The following DIP2C variants were observed in gnomAD, a reference collection of about 807,000 sequenced individuals.
The protein encoded by DIP2C is disco-interacting protein 2 homolog C.
A neutral mutation model predicts 192.4 loss-of-function variants in DIP2C; 33 were observed. That is an observed-to-expected ratio of 0.17 (90% CI 0.13 to 0.23). The LOEUF is 0.23. Among genes scored for constraint, DIP2C ranks in the 10% least tolerant of loss-of-function variants. The pLI, the probability that DIP2C is intolerant of heterozygous loss-of-function variation, is 1.00. For missense variants in DIP2C, 1,537 were observed against 2,110.1 expected (o/e 0.73, Z 5.32); for synonymous variants, 979 against 864.1 (o/e 1.13, Z -2.33).
intron 29 of DIP2C, among the ~76,000 whole-genome samples, chr10:340,066 A>G (rs927728880): frequency 5.9e-5 from 9 of 152,086 alleles, no homozygotes; most frequent in Non-Finnish European, 1.5e-5. Flanking sequence ...CTCTAATCCC[A>G]GCTACTCGGG....
At chr10:386,163 G>C (rs11594718) in intron 14 of DIP2C, among the ~76,000 whole-genome samples, 5,590 of 152,300 alleles carry the variant, frequency 0.037, 132 homozygotes, top group Admixed American at 0.056. Context: ...AGTGACTAAC[G>C]GCACCAGTGA....
chr10:384,760 G>T, intron 14 of DIP2C, 121 bp from the exon 15 acceptor site: 1 of 945,440 alleles, frequency 1.1e-6, no homozygotes, highest in South Asian at 1.5e-5. Flanking sequence ...GAGCGCTGCA[G>T]ACACCATGCA....
intron 1 of DIP2C, among the ~76,000 whole-genome samples, chr10:617,317 G>C (rs1373862857): frequency 1.3e-5 from 2 of 152,156 alleles, no homozygotes; most frequent in African/African-American, 2.4e-5. Context: ...TCCTGGCTGA[G>C]ACACTAGTTC....
intron 1 of DIP2C, among the ~76,000 whole-genome samples, chr10:501,680 G>T (rs550996461): frequency 1.3e-5 from 2 of 152,174 alleles, no homozygotes; most frequent in African/African-American, 4.8e-5. Flanking sequence ...CAGGCAAAAG[G>T]ACTGGCACGG....
intron 1 of DIP2C, among the ~76,000 whole-genome samples, chr10:519,949 G>A (rs762322169): frequency 1.3e-5 from 2 of 152,176 alleles, no homozygotes; most frequent in African/African-American, 2.4e-5. Context: ...TTCTCCCAAA[G>A]AACCCTTCTC....
chr10:342,528 C>G (rs140840366), intron 28 of DIP2C, among the ~76,000 whole-genome samples: 1 of 152,184 alleles, frequency 6.6e-6, no homozygotes, highest in Non-Finnish European at 1.5e-5. Flanking sequence ...CTCTGCTGGT[C>G]GAGGCCCTGT....
intron 1 of DIP2C, among the ~76,000 whole-genome samples, chr10:620,472 G>A (rs557759012): frequency 1.3e-5 from 2 of 152,324 alleles, no homozygotes; most frequent in South Asian, 4.1e-4. Flanking sequence ...CTGAGGGGCA[G>A]ATACGGAGGG....
chr10:661,557 G>C (rs1856762729), intron 1 of DIP2C, among the ~76,000 whole-genome samples: 1 of 152,176 alleles, frequency 6.6e-6, no homozygotes, highest in African/African-American at 2.4e-5. Flanking sequence ...CAACACTTGG[G>C]ACTTTGTCCT....
At chr10:327,283 C>T (rs1432711086) in intron 30 of DIP2C, 107 bp from the exon 31 acceptor site, 1 of 1,331,916 alleles carries the variant, frequency 7.5e-7, no homozygotes, top group Non-Finnish European at 1.0e-6. Flanking sequence ...AAACTCAACA[C>T]AGCTATGCAT....
intron 1 of DIP2C, among the ~76,000 whole-genome samples, chr10:616,115 C>G (rs1273451995): frequency 6.6e-6 from 1 of 152,220 alleles, no homozygotes; most frequent in Non-Finnish European, 1.5e-5. Flanking sequence ...CAGGTCATCC[C>G]TCAGTCACAC....
At chr10:488,527 C>G (rs1844183957) in intron 1 of DIP2C, among the ~76,000 whole-genome samples, 1 of 152,252 alleles carries the variant, frequency 6.6e-6, no homozygotes, top group Non-Finnish European at 1.5e-5. Context: ...CACCTAGAGT[C>G]TTCCACTCTA....
intron 1 of DIP2C, among the ~76,000 whole-genome samples, chr10:620,761 A>G (rs1403144347): frequency 2.6e-5 from 4 of 152,204 alleles, no homozygotes; most frequent in African/African-American, 9.7e-5. Context: ...GAAGGTTGCT[A>G]CTTTGGACTG....
At chr10:662,859 G>C (rs912674909) in intron 1 of DIP2C, 3 of 717,544 alleles carry the variant, frequency 4.2e-6, no homozygotes, top group Non-Finnish European at 7.8e-6. Context: ...ACAGCCAGCA[G>C]AACCACACTC....
At chr10:582,572 GA>G (rs1850736349) in intron 1 of DIP2C, among the ~76,000 whole-genome samples, 3 of 152,168 alleles carry the variant, frequency 2.0e-5, no homozygotes, top group African/African-American at 7.2e-5. Context: ...GACAGAGCAA[GA>G]CCCTGTCTCA....
At chr10:488,013 A>G (rs928672967) in intron 1 of DIP2C, among the ~76,000 whole-genome samples, 4 of 152,252 alleles carry the variant, frequency 2.6e-5, no homozygotes, top group Admixed American at 2.0e-4. Flanking sequence ...ATGCCTTGTT[A>G]ACCCGTTTTA....
In DIP2C at chr10:504,268, G is replaced by A. The variant is rs947076952; in HGVS notation, c.86-17738C>T. Among the ~76,000 whole-genome samples, 8 of 152,324 alleles carry A rather than the reference G, an allele frequency of 5.3e-5. No individual in the cohort carries two copies. In the East Asian group the frequency reaches 9.6e-4, roughly 18 times the overall value. On this transcript the variant is annotated intron_variant, in intron 1 of 36. Coordinates refer to ENST00000280886, the MANE Select transcript of DIP2C (RefSeq NM_014974.3). ...ACGCCCTGTGGAGAATAAAGGCCAC[G>A]CTGGAAGAGGCACGCAAGGGAAACA...
intron 1 of DIP2C, among the ~76,000 whole-genome samples, chr10:502,871 C>G (rs978749145): frequency 5.3e-5 from 8 of 152,282 alleles, no homozygotes; most frequent in Non-Finnish European, 1.2e-4. Flanking sequence ...GCAACACAGT[C>G]AAGACACCAA....
intron 9 of DIP2C, among the ~76,000 whole-genome samples, chr10:401,272 G>C (rs1964416612): frequency 6.6e-6 from 1 of 150,998 alleles, no homozygotes; most frequent in Non-Finnish European, 1.5e-5. Flanking sequence ...TTACATGTGG[G>C]GTAGCATTAG....
intron 5 of DIP2C, among the ~76,000 whole-genome samples, chr10:421,675 C>A (rs912773190): frequency 6.6e-6 from 1 of 152,142 alleles, no homozygotes; most frequent in African/African-American, 2.4e-5. Context: ...ACTTTACAAA[C>A]TTTTACAGAG....
Sources: allele counts gnomAD v4.1 joint callset (sites outside exome capture counted in the v4.1 genomes callset), GRCh38; gene constraint gnomAD v4.1.1; transcripts MANE v1.5; gene names NCBI Gene and HGNC (gene_info 2026-07-23, HGNC 2026-07-21).